Variants in WWOX observed in about 807,000 individuals in gnomAD.
The protein encoded by WWOX is WW domain-containing oxidoreductase.
A neutral mutation model predicts 46.2 loss-of-function variants in WWOX; 69 were observed. The ratio of observed to expected loss-of-function variants is 1.49; its 90% CI spans 1.23 to 1.82. The LOEUF (loss-of-function observed/expected upper bound fraction) is 1.82, where lower values mean the gene tolerates loss of function less well. Among genes scored for constraint, WWOX ranks in the 40% most tolerant of loss-of-function variants. WWOX has a pLI of 0.00. For missense variants in WWOX, 919 were observed against 542.6 expected (o/e 1.69, Z -6.89); for synonymous variants, 359 against 202.6 (o/e 1.77, Z -6.56).
At chr16:78,882,654 AC>A (rs2044368148) in intron 8 of WWOX, among the ~76,000 whole-genome samples, 1 of 151,736 alleles carries the variant, frequency 6.6e-6, no homozygotes, top group Non-Finnish European at 1.5e-5. Context: ...TGCCCAGCTA[AC>A]TTTTGTATTT....
intron 8 of WWOX, among the ~76,000 whole-genome samples, chr16:78,618,361 C>A (rs963920889): frequency 6.6e-6 from 1 of 152,124 alleles, no homozygotes; most frequent in Non-Finnish European, 1.5e-5. Context: ...GGTTGGGAGT[C>A]CTAGATCAAG....
intron 5 of WWOX, among the ~76,000 whole-genome samples, chr16:78,301,426 T>C (rs547801046): frequency 2.0e-5 from 3 of 152,340 alleles, no homozygotes; most frequent in African/African-American, 7.2e-5. Context: ...ATTTTTTTCA[T>C]ACTTTTCTTT....
chr16:78,134,887 T>C (rs2033734318), intron 4 of WWOX, among the ~76,000 whole-genome samples: 1 of 152,194 alleles, frequency 6.6e-6, no homozygotes, highest in South Asian at 2.1e-4. Context: ...CCACTGTGGA[T>C]AGATACGCAA....
chr16:78,536,663 G>A (rs987437947), intron 8 of WWOX, among the ~76,000 whole-genome samples: 2 of 152,262 alleles, frequency 1.3e-5, no homozygotes, highest in East Asian at 1.9e-4. Flanking sequence ...GCATGGGATT[G>A]TGCCGGTTTA....
chr16:78,721,038 A>C (rs2048677012), intron 8 of WWOX, among the ~76,000 whole-genome samples: 1 of 151,992 alleles, frequency 6.6e-6, no homozygotes, highest in East Asian at 1.9e-4. Context: ...CTGCATTCTT[A>C]TTAGTCTATA....
intron 8 of WWOX, among the ~76,000 whole-genome samples, chr16:78,781,184 G>C (rs895479783): frequency 6.6e-6 from 1 of 152,322 alleles, no homozygotes; most frequent in Middle Eastern, 3.4e-3. Flanking sequence ...TTGATGGGGT[G>C]TGTTGTGACC....
chr16:78,267,374 A>G (rs2079389121), intron 5 of WWOX, among the ~76,000 whole-genome samples: 1 of 152,270 alleles, frequency 6.6e-6, no homozygotes. Context: ...AGAAATAAAA[A>G]TGAATCACTC....
intron 5 of WWOX, among the ~76,000 whole-genome samples, chr16:78,350,123 A>G (rs1465850981): frequency 8.3e-6 from 1 of 121,084 alleles, no homozygotes; most frequent in East Asian, 1.9e-4. Flanking sequence ...GCTAGGCAAT[A>G]TTCTGTCATA....
intron 8 of WWOX, among the ~76,000 whole-genome samples, chr16:79,208,444 ATTAT>A (rs1430244877): frequency 6.6e-6 from 1 of 152,046 alleles, no homozygotes; most frequent in Non-Finnish European, 1.5e-5. Flanking sequence ...TCAAGGTATT[ATTAT>A]TTATCACAAT....
chr16:79,071,571 G>C (rs1014596468), intron 8 of WWOX, among the ~76,000 whole-genome samples: 2 of 152,170 alleles, frequency 1.3e-5, no homozygotes, highest in African/African-American at 2.4e-5. Context: ...CCTAAGAAAG[G>C]CTTCACTGGC....
At chr16:78,217,281 C>T (rs545987610) in intron 5 of WWOX, among the ~76,000 whole-genome samples, 1 of 152,314 alleles carries the variant, frequency 6.6e-6, no homozygotes, top group South Asian at 2.1e-4. Context: ...GTGGAGTTAT[C>T]AGTTCCTAGC....
chr16:78,454,278 A>G (rs557205987), intron 8 of WWOX, among the ~76,000 whole-genome samples: 29 of 152,248 alleles, frequency 1.9e-4, no homozygotes, highest in African/African-American at 7.0e-4. Flanking sequence ...TTGCTCTAAA[A>G]CAGCATCTCT....
At chr16:78,102,275 C>T (rs953997108) in intron 1 of WWOX, among the ~76,000 whole-genome samples, 1 of 152,048 alleles carries the variant, frequency 6.6e-6, no homozygotes, top group Non-Finnish European at 1.5e-5. Flanking sequence ...GTAGAGGGAA[C>T]AGTGAGAGGA....
At chr16:78,731,351 G>C (rs986520993) in intron 8 of WWOX, among the ~76,000 whole-genome samples, 5 of 152,178 alleles carry the variant, frequency 3.3e-5, no homozygotes, top group Middle Eastern at 3.4e-3. Context: ...AATGATTTCC[G>C]CACCTTTTTA....
At chr16:78,926,246 A>G (rs1329499466) in intron 8 of WWOX, among the ~76,000 whole-genome samples, 2 of 152,078 alleles carry the variant, frequency 1.3e-5, no homozygotes, top group Non-Finnish European at 2.9e-5. Flanking sequence ...GGTGGTGCCC[A>G]CTTGTGGTTT....
intron 8 of WWOX, among the ~76,000 whole-genome samples, chr16:78,673,018 C>G (rs1367487823): frequency 6.6e-6 from 1 of 152,180 alleles, no homozygotes; most frequent in East Asian, 1.9e-4. Flanking sequence ...ATTTAAGTAG[C>G]TTTGAAACCC....
intron 8 of WWOX, among the ~76,000 whole-genome samples, chr16:79,062,353 G>A (rs2048371014): frequency 6.6e-6 from 1 of 152,194 alleles, no homozygotes; most frequent in East Asian, 1.9e-4. Context: ...AAAAGGTAAT[G>A]GGGACCTCAT....
chr16:79,090,317 GTGATATA>G (rs1278556826), intron 8 of WWOX, among the ~76,000 whole-genome samples: 1 of 147,452 alleles, frequency 6.8e-6, no homozygotes, highest in African/African-American at 2.6e-5. Context: ...GTGTGTGTGT[GTGATATA>G]ATGTGTTGCA....
intron 8 of WWOX, among the ~76,000 whole-genome samples, chr16:78,677,252 C>T (rs954768193): frequency 1.3e-5 from 2 of 152,154 alleles, no homozygotes; most frequent in Admixed American, 1.3e-4. Context: ...AGGGGTCAGG[C>T]AGCTGTTTGA....
Sources: allele counts gnomAD v4.1 joint callset (sites outside exome capture counted in the v4.1 genomes callset), GRCh38; gene constraint gnomAD v4.1.1; transcripts MANE v1.5; gene names NCBI Gene and HGNC (gene_info 2026-07-23, HGNC 2026-07-21).